Variants in CEP120 observed in about 807,000 individuals in gnomAD.
CEP120 encodes the protein centrosomal protein 120, also known as centrosomal protein of 120 kDa.
In CEP120, 113 loss-of-function variants were observed where a neutral mutation model predicts 126.5. That is an observed-to-expected ratio of 0.89 (90% confidence interval 0.77 to 1.04). The LOEUF (loss-of-function observed/expected upper bound fraction) is 1.04, where lower values mean the gene tolerates loss of function less well. Among genes scored for constraint, CEP120 ranks in the 50% least tolerant of loss-of-function variants. The pLI is 0.00. For synonymous variants in CEP120, 400 were observed against 394.3 expected (o/e 1.01, Z -0.17); for missense variants, 1,230 against 1,155.7 (o/e 1.06, Z -0.93).
intron 4 of CEP120, chr5:123,401,254 T>C (rs1773210021): frequency 6.2e-7 from 1 of 1,611,442 alleles, no homozygotes; most frequent in Admixed American, 1.7e-5. Flanking sequence ...ATGTCCTGCT[T>C]GGCCCGCTGC....
In CEP120 at chr5:123,382,047, G is replaced by A. The variant is rs148668885; in HGVS notation, c.2103+64C>T. ...ATTCCTTCCAGAGACTGTCTTTAAC[G>A]CAAATACAAGATATTATCATTAATA... On this transcript the variant is annotated intron_variant, in intron 14 of 19. Coordinates refer to ENST00000306467, the MANE Select transcript of CEP120 (RefSeq NM_001375405.1). The A allele has an allele frequency of 9.2e-5, 105 of 1,138,158 alleles. No individual in the cohort carries two copies. In the African/African-American group the frequency reaches 1.1e-3, roughly 12 times the overall value. The allele number at this position is 1,138,158 out of a possible 1,614,324, so 70.5% of individuals were successfully genotyped here. A position where few individuals can be genotyped will look rare whatever the true frequency, so the allele number is the denominator to read the frequency against.
intron 2 of CEP120, among the ~76,000 whole-genome samples, chr5:123,416,760 A>G (rs1401785862): frequency 6.6e-6 from 1 of 152,154 alleles, no homozygotes; most frequent in African/African-American, 2.4e-5. Context: ...TCTGAAAGTA[A>G]AAAATTATCA....
rs143218626 is a variant in CEP120 at position 123,414,084 on chromosome 5, C to G, written c.322-1544G>C. 1.5e-3 allele frequency among the ~76,000 whole-genome samples: 224 copies of G among 152,268 alleles called. 1 individual carries two copies. The highest frequency in any genetic ancestry group is 5.3e-3 in the African/African-American group (219 of 41,548). On this transcript the variant is annotated intron_variant, in intron 3 of 19. Transcript: ENST00000306467. Reference sequence around the variant, plus strand: ...CTCCCTTTGATTACAAATATGTTGACAAACTGTTCTCAAGGACAAGGGGAC... The same window carrying G: ...CTCCCTTTGATTACAAATATGTTGAGAAACTGTTCTCAAGGACAAGGGGAC...
chr5:123,403,208 C>G (rs1773387647), intron 4 of CEP120: 1 of 444,794 alleles, frequency 2.2e-6, no homozygotes, highest in East Asian at 7.0e-5. Flanking sequence ...TCGATATCAG[C>G]TAACATACCT....
At chr5:123,411,450 T>C (rs1774055904) in intron 4 of CEP120, among the ~76,000 whole-genome samples, 1 of 152,136 alleles carries the variant, frequency 6.6e-6, no homozygotes, top group South Asian at 2.1e-4. Flanking sequence ...AGATGTCCCT[T>C]AGGAGCTGAG....
intron 4 of CEP120, among the ~76,000 whole-genome samples, chr5:123,406,725 A>T: frequency 6.6e-6 from 1 of 152,080 alleles, no homozygotes; most frequent in African/African-American, 2.4e-5. Context: ...AGAAATATTA[A>T]AAAGTTCTTC....
At position 123,357,064 on chromosome 5, in the gene CEP120, T is replaced by G. The variant is rs577026068; in HGVS notation, c.2581-6975A>C. Among the ~76,000 whole-genome samples the G allele has an allele frequency of 2.6e-5, 4 of 152,274 alleles. No individual in the cohort carries two copies. The South Asian group carries it at 8.3e-4, about 32-fold the overall frequency. On this transcript the variant is annotated intron_variant, in intron 18 of 19. Transcript: ENST00000306467. The stretch of plus-strand genomic sequence containing the variant: ...TTTTACTGGGTAACAAAATTTTAGT[T>G]CAGCAATCGTTTTCTTTAGTACTTT...
rs1437306152 is a variant in CEP120 at position 123,391,278 on chromosome 5, T to C, written c.870A>G (p.Leu290=). The change falls in exon 7 of 20, where the codon TTA becomes TTG. Residue 290 remains leucine, a synonymous_variant. Coordinates refer to ENST00000306467, the MANE Select transcript of CEP120 (RefSeq NM_001375405.1). ...LGSTEIPLTG[L]LKKGSTEINQ... The stretch of plus-strand genomic sequence containing the variant: ...TGATTTCTGTACTGCCCTTTTTAAG[T>C]AATCCAGTTAAAGGTATTTCTGTAC... 1.9e-6 allele frequency: 3 copies of C among 1,614,200 alleles called. No homozygotes were observed. The highest frequency in any genetic ancestry group is 1.1e-5 in the South Asian group (1 of 91,086).
intron 6 of CEP120, among the ~76,000 whole-genome samples, chr5:123,391,781 A>T (rs990163729): frequency 3.3e-5 from 5 of 152,174 alleles, no homozygotes; most frequent in African/African-American, 1.2e-4. Flanking sequence ...GGAATTTAAA[A>T]ACCTCAAATA....
chr5:123,391,051 G>C, intron 7 of CEP120, 59 bp downstream of exon 7: 3 of 1,261,860 alleles, frequency 2.4e-6, no homozygotes, highest in Non-Finnish European at 3.3e-6. Flanking sequence ...TTCAACTTTT[G>C]TAAGTAATCA....
At chr5:123,382,669 G>T in intron 13 of CEP120, 68 bp downstream of exon 13, 2 of 1,424,552 alleles carry the variant, frequency 1.4e-6, no homozygotes, top group Non-Finnish European at 1.9e-6. Context: ...ATTAAACCTT[G>T]CTACGGAGAA....
chr5:123,382,434 T>G (rs1771713298), intron 13 of CEP120, among the ~76,000 whole-genome samples: 1 of 152,006 alleles, frequency 6.6e-6, no homozygotes, highest in Admixed American at 6.6e-5. Context: ...AACTCTTGTT[T>G]GGAGACTAAT....
chr5:123,367,086 A>G (rs1770519806), intron 17 of CEP120, among the ~76,000 whole-genome samples: 1 of 151,816 alleles, frequency 6.6e-6, no homozygotes, highest in Admixed American at 6.6e-5. Context: ...TGATTATTCA[A>G]GGTCATTTAC....
intron 17 of CEP120, among the ~76,000 whole-genome samples, chr5:123,365,119 G>C (rs1248106734): frequency 6.6e-6 from 1 of 151,552 alleles, no homozygotes; most frequent in Admixed American, 6.6e-5. Context: ...AGTTTACTAA[G>C]AAAGAGTACA....
rs573986706 is a variant in CEP120, at chr5:123,394,406, C to T, written c.613-909G>A. On this transcript the variant is annotated intron_variant, in intron 5 of 19. Coordinates refer to ENST00000306467, the MANE Select transcript of CEP120 (RefSeq NM_001375405.1). The stretch of plus-strand genomic sequence containing the variant: ...CTCATAAGGAGCACGCAACCTAGAT[C>T]CCTTACATGTGTAGTTGACAATAAG... Among the ~76,000 whole-genome samples the T allele has an allele frequency of 3.3e-5, 5 of 152,296 alleles. No homozygotes were observed. The South Asian group carries it at 1.0e-3, about 32-fold the overall frequency.
rs531553308 is a variant in CEP120, at chr5:123,373,448, G to A, written c.2359-676C>T. 1.3e-3 allele frequency among the ~76,000 whole-genome samples: 194 copies of A among 152,102 alleles called. 1 individual carries two copies. Among genetic ancestry groups the A allele is most frequent in the African/African-American group, 4.5e-3 (188 of 41,534 alleles). On this transcript the variant is annotated intron_variant, in intron 16 of 19. Coordinates refer to ENST00000306467, the MANE Select transcript of CEP120 (RefSeq NM_001375405.1). ...TTCTTGAATTTGAAGAGTTGAGGAC[G>A]AACAATCAGGAATAGTCTAGAGCAA...
chr5:123,386,676 TAAAAAA>T lies in CEP120; in HGVS notation c.1431-15_1431-10del. 3.0e-5 allele frequency: 18 copies of T among 608,802 alleles called. No homozygotes were observed. The highest frequency in any genetic ancestry group is 6.1e-4 in the Middle Eastern group (1 of 1,652). 37.7% of individuals were successfully genotyped at this position (608,802 alleles called of 1,614,324 possible). On this transcript the variant is annotated splice_polypyrimidine_tract_variant and intron_variant, in intron 9 of 19. Transcript: ENST00000306467. The stretch of plus-strand genomic sequence containing the variant: ...AGAATGGATATGAGTACCTAGAATT[TAAAAAA>T]AAAAAAAAAAAAAAAAGCCTTAATG...
chr5:123,393,175 C>T (rs1382774849), intron 6 of CEP120, 125 bp downstream of exon 6: 1 of 836,814 alleles, frequency 1.2e-6, no homozygotes, highest in African/African-American at 1.7e-5. Flanking sequence ...GAAGATGTGG[C>T]AGAAAGATAA....
chr5:123,380,744 C>G (rs1444178921), intron 14 of CEP120, among the ~76,000 whole-genome samples: 1 of 152,030 alleles, frequency 6.6e-6, no homozygotes, highest in Non-Finnish European at 1.5e-5. Context: ...CTCATCTTGT[C>G]TTAAAGGCTA....
Sources: allele counts gnomAD v4.1 joint callset (sites outside exome capture counted in the v4.1 genomes callset), GRCh38; gene constraint gnomAD v4.1.1; transcripts MANE v1.5; gene names NCBI Gene and HGNC (gene_info 2026-07-23, HGNC 2026-07-21).